Variants in SERINC5 observed in about 807,000 individuals in gnomAD.
SERINC5 encodes chromosome 5 open reading frame 12.
A neutral mutation model predicts 63.1 loss-of-function variants in SERINC5; 41 were observed. The ratio of observed to expected loss-of-function variants is 0.65; its 90% CI spans 0.51 to 0.84. The LOEUF (loss-of-function observed/expected upper bound fraction) is 0.84. Ranked by LOEUF, SERINC5 falls within the 40% of genes least tolerant of loss-of-function variation. SERINC5 has a pLI of 0.00. For missense variants in SERINC5, 523 were observed against 573.0 expected (o/e 0.91, Z 0.89); for synonymous variants, 222 against 215.2 (o/e 1.03, Z -0.28).
In SERINC5 at chr5:80,141,705, G is replaced by A. The variant is rs1474792040; in HGVS notation, c.*1958C>T. On this transcript the variant is annotated 3_prime_UTR_variant, in exon 12 of 12. Transcript: ENST00000507668. ...CCCATTCCTGGCCCACGGAACTCCT[G>A]TCCCCTAACTGATTCCTCAGGTTAG... is the stretch of plus-strand genomic sequence containing the variant. 2.6e-5 allele frequency: 26 copies of A among 985,378 alleles called. No homozygotes were observed. Among genetic ancestry groups the A allele is most frequent in the Non-Finnish European group, 2.7e-5 (22 of 830,022 alleles). 61.0% of individuals were successfully genotyped at this position (985,378 alleles called of 1,614,324 possible). A position where few individuals can be genotyped will look rare whatever the true frequency, so the allele number is the denominator to read the frequency against.
At chr5:80,226,137 C>A (rs1391622050) in intron 1 of SERINC5, among the ~76,000 whole-genome samples, 1 of 152,136 alleles carries the variant, frequency 6.6e-6, no homozygotes, top group Non-Finnish European at 1.5e-5. Flanking sequence ...CAGCTCACTG[C>A]AACCTCCAAC....
chr5:80,125,989 ACT>A (rs1163318032), intron 11 of SERINC5, among the ~76,000 whole-genome samples: 1 of 152,184 alleles, frequency 6.6e-6, no homozygotes, highest in Non-Finnish European at 1.5e-5. Flanking sequence ...CAGTTCAGAG[ACT>A]CTATCAGAAA....
intron 1 of SERINC5, among the ~76,000 whole-genome samples, chr5:80,240,104 T>C (rs1025348336): frequency 2.6e-5 from 4 of 152,164 alleles, no homozygotes; most frequent in Non-Finnish European, 4.4e-5. Context: ...TTAGGCATAA[T>C]AGGATGTGCA....
chr5:80,238,323 C>T (rs557811199), intron 1 of SERINC5, among the ~76,000 whole-genome samples: 3 of 152,206 alleles, frequency 2.0e-5, no homozygotes, highest in African/African-American at 4.8e-5. Flanking sequence ...GCCAACTACA[C>T]TAACGGTGAG....
Position 80,196,808 on chromosome 5 carries a change from T to C in SERINC5, c.195+6078A>G, listed in dbSNP as rs147221449. Among the ~76,000 whole-genome samples the C allele has an allele frequency of 5.9e-3, 887 of 151,124 alleles. 4 individuals carry two copies. Among genetic ancestry groups the C allele is most frequent in the Non-Finnish European group, 9.5e-3 (645 of 67,792 alleles). On this transcript the variant is annotated intron_variant, in intron 2 of 11. Transcript: ENST00000507668. ...ATAAAAAATTAACCGGGCCTGGTAG[T>C]GCGCGCCTGTAATCCCAGCTACTCA...
intron 1 of SERINC5, among the ~76,000 whole-genome samples, chr5:80,251,063 A>T (rs962734779): frequency 6.6e-6 from 1 of 152,218 alleles, no homozygotes; most frequent in Non-Finnish European, 1.5e-5. Flanking sequence ...CATAACGGAC[A>T]TCAGAAATGA....
At chr5:80,136,151 G>C (rs976384761), downstream of SERINC5, among the ~76,000 whole-genome samples, 2 of 152,052 alleles carry the variant, frequency 1.3e-5, no homozygotes, top group Non-Finnish European at 2.9e-5. Flanking sequence ...TCACTTGAGA[G>C]CAGGAGTTGT....
rs1745524722 is a variant in SERINC5, at chr5:80,141,767, T to G, written c.*1896A>C. On this transcript the variant is annotated 3_prime_UTR_variant, in exon 12 of 12. Coordinates refer to ENST00000507668, the MANE Select transcript of SERINC5 (RefSeq NM_001174072.3). The stretch of plus-strand genomic sequence containing the variant: ...TCATTTTGCGACTCCAGATGAATCT[T>G]TTAACTGCTGAGTACAGAGCTCCTG... 1 of 955,038 alleles carries G rather than the reference T, an allele frequency of 1.0e-6. No individual in the cohort carries two copies. The highest frequency in any genetic ancestry group is 1.8e-5 in the African/African-American group (1 of 57,004). 59.2% of individuals were successfully genotyped at this position (955,038 alleles called of 1,614,324 possible). A position where few individuals can be genotyped will look rare whatever the true frequency, so the allele number is the denominator to read the frequency against.
chr5:80,232,414 A>C, intron 1 of SERINC5, among the ~76,000 whole-genome samples: 1 of 151,440 alleles, frequency 6.6e-6, no homozygotes, highest in Non-Finnish European at 1.5e-5. Context: ...AAAGAAAAAA[A>C]AAAAAAAAGT....
intron 7 of SERINC5, among the ~76,000 whole-genome samples, chr5:80,159,205 C>T (rs2112347763): frequency 6.6e-6 from 1 of 152,280 alleles, no homozygotes; most frequent in South Asian, 2.1e-4. Context: ...AGCTCAGTGC[C>T]ATGGGGCTCA....
chr5:80,171,263 TCC>T (rs1747636691), intron 5 of SERINC5, among the ~76,000 whole-genome samples: 1 of 152,000 alleles, frequency 6.6e-6, no homozygotes, highest in Non-Finnish European at 1.5e-5. Context: ...CACCTCTGCC[TCC>T]CAAAGTGCTA....
intron 7 of SERINC5, among the ~76,000 whole-genome samples, chr5:80,161,046 A>ATGTGTG (rs552090577): frequency 7.1e-6 from 1 of 140,936 alleles, no homozygotes; most frequent in Non-Finnish European, 1.5e-5. Flanking sequence ...GTATATATAT[A>ATGTGTG]TATGTATGTA....
intron 1 of SERINC5, among the ~76,000 whole-genome samples, chr5:80,238,396 T>C (rs1170936900): frequency 6.6e-6 from 1 of 152,170 alleles, no homozygotes; most frequent in East Asian, 1.9e-4. Context: ...AGCAGAACTT[T>C]CTGGAAAATA....
At chr5:80,136,871 C>T (rs944490783), downstream of SERINC5, among the ~76,000 whole-genome samples, 1 of 152,180 alleles carries the variant, frequency 6.6e-6, no homozygotes, top group South Asian at 2.1e-4. Flanking sequence ...TGCAGTGGCT[C>T]GCGCCTGTAA....
intron 2 of SERINC5, among the ~76,000 whole-genome samples, chr5:80,192,525 T>A (rs910301708): frequency 2.6e-5 from 4 of 151,998 alleles, no homozygotes; most frequent in African/African-American, 9.7e-5. Flanking sequence ...GGAGAGAGAA[T>A]GTGTCTATGA....
intron 1 of SERINC5, among the ~76,000 whole-genome samples, chr5:80,234,478 A>C (rs1420517355): frequency 1.3e-5 from 2 of 152,198 alleles, no homozygotes; most frequent in African/African-American, 4.8e-5. Flanking sequence ...AAACTCTGTT[A>C]TCTCCAAACC....
intron 1 of SERINC5, among the ~76,000 whole-genome samples, chr5:80,224,416 G>A (rs1263102411): frequency 6.6e-6 from 1 of 151,956 alleles, no homozygotes; most frequent in Non-Finnish European, 1.5e-5. Context: ...GGTCGAGGCT[G>A]CAATGAGCAG....
chr5:80,205,937 A>C (rs1279565733), intron 1 of SERINC5, among the ~76,000 whole-genome samples: 2 of 149,444 alleles, frequency 1.3e-5, no homozygotes, highest in African/African-American at 2.5e-5. Flanking sequence ...AAACAAAACA[A>C]AACAAAAAAC....
intron 1 of SERINC5, among the ~76,000 whole-genome samples, chr5:80,204,031 G>C (rs1347367324): frequency 7.9e-5 from 12 of 152,232 alleles, no homozygotes. Flanking sequence ...ACGCATCCAT[G>C]TGCCTGGAGG....
Sources: allele counts gnomAD v4.1 joint callset (sites outside exome capture counted in the v4.1 genomes callset), GRCh38; gene constraint gnomAD v4.1.1; transcripts MANE v1.5; gene names NCBI Gene and HGNC (gene_info 2026-07-23, HGNC 2026-07-21).